The following SYNE1 variants were observed in gnomAD, a reference collection of about 807,000 sequenced individuals.
SYNE1 encodes spectrin repeat containing nuclear envelope protein 1.
A neutral mutation model predicts 1,111.0 loss-of-function variants in SYNE1; 616 were observed. The observed-to-expected ratio is 0.55, with a 90% confidence interval of 0.52 to 0.59. The LOEUF is 0.59. Among genes scored for constraint, SYNE1 ranks in the 20% least tolerant of loss-of-function variants. The probability of loss-of-function intolerance (pLI) is 0.00; values close to 1 mark genes in which losing one functional copy is unlikely to be tolerated. For synonymous variants in SYNE1, 3,855 were observed against 3,825.8 expected (o/e 1.01, Z -0.28); for missense variants, 10,006 against 10,417.0 (o/e 0.96, Z 1.72).
rs2071431030 is a variant in SYNE1, at chr6:152,189,113, G to C, written c.23301+139C>G. ...AAATGTATTGATCTGAAATGTTCTG[G>C]TAGTAACCACAGTGTTCTTCCTTTG... On this transcript the variant is annotated intron_variant, in intron 128 of 145. Transcript: ENST00000367255. 3 of 817,210 alleles carry C rather than the reference G, an allele frequency of 3.7e-6. No individual in the cohort carries two copies. The African/African-American group carries it at 5.1e-5, about 14-fold the overall frequency. 50.6% of individuals were successfully genotyped at this position (817,210 alleles called of 1,614,324 possible). A position where few individuals can be genotyped will look rare whatever the true frequency, so the allele number is the denominator to read the frequency against.
At chr6:152,195,510 CA>C (rs58249163) in intron 127 of SYNE1, among the ~76,000 whole-genome samples, 13,952 of 152,204 alleles carry the variant, frequency 0.092, 795 homozygotes, top group East Asian at 0.12. Flanking sequence ...AAATCTGCAT[CA>C]TGGGGCACCC....
intron 55 of SYNE1, among the ~76,000 whole-genome samples, chr6:152,384,616 C>T (rs1463457253): frequency 6.6e-6 from 1 of 152,184 alleles, no homozygotes; most frequent in Non-Finnish European, 1.5e-5. Context: ...TGGCTCATGC[C>T]TGTAATTCCA....
intron 100 of SYNE1, among the ~76,000 whole-genome samples, chr6:152,264,855 A>G (rs999954076): frequency 6.6e-6 from 1 of 152,034 alleles, no homozygotes. Flanking sequence ...CTAGGATATA[A>G]TGCAGAGAAT....
chr6:152,269,674 T>C (rs1456275655), intron 98 of SYNE1, among the ~76,000 whole-genome samples: 1 of 152,166 alleles, frequency 6.6e-6, no homozygotes, highest in Non-Finnish European at 1.5e-5. Context: ...TTACCCACAA[T>C]AATTGTGTCT....
Position 152,249,241 on chromosome 6 carries a change from T to C in SYNE1, c.19492A>G (p.Thr6498Ala), listed in dbSNP as rs2088379630. 2 of 1,612,902 alleles carry C rather than the reference T, an allele frequency of 1.2e-6. No homozygotes were observed. Among genetic ancestry groups the C allele is most frequent in the Non-Finnish European group, 1.7e-6 (2 of 1,179,010 alleles). Residue 6498 changes from threonine to alanine, a missense_variant, in exon 105 of 146, where the codon ACA (threonine) becomes GCA (alanine). Thr to Ala is a moderately conservative substitution (Grantham distance 58). Coordinates refer to ENST00000367255, the MANE Select transcript of SYNE1 (RefSeq NM_182961.4). ...NFQNDLKVLF[T>A]SLADNKYIIL... ...ATGTATTTGTTGTCAGCCAGTGATG[T>C]AAACAGCACTTTCAGATCATTCTAA...
At chr6:152,452,993 C>G (rs1035033159) in intron 25 of SYNE1, among the ~76,000 whole-genome samples, 3 of 152,158 alleles carry the variant, frequency 2.0e-5, no homozygotes, top group African/African-American at 7.2e-5. Context: ...CAAGTGGTTC[C>G]ACCTCCCTCT....
chr6:152,149,133 T>G (rs2060003218), intron 136 of SYNE1, among the ~76,000 whole-genome samples: 2 of 152,208 alleles, frequency 1.3e-5, no homozygotes. Context: ...TGCTGCCCCA[T>G]GTTTCTGCGA....
chr6:152,356,996 A>C (rs900165699), intron 66 of SYNE1, among the ~76,000 whole-genome samples: 1 of 152,208 alleles, frequency 6.6e-6, no homozygotes, highest in African/African-American at 2.4e-5. Flanking sequence ...GGTTATGTAA[A>C]GAAAATAGTC....
chr6:152,293,057 C>T (rs1194267841), intron 95 of SYNE1, among the ~76,000 whole-genome samples: 1 of 152,114 alleles, frequency 6.6e-6, no homozygotes, highest in Non-Finnish European at 1.5e-5. Flanking sequence ...TCATGTAAAG[C>T]TAATATTTTG....
At chr6:152,239,749 T>C in intron 107 of SYNE1, 43 bp from the exon 108 acceptor site, 1 of 1,611,680 alleles carries the variant, frequency 6.2e-7, no homozygotes, top group Non-Finnish European at 8.5e-7. Context: ...CTCATTCATA[T>C]ATTATGTTAG....
chr6:152,352,255 C>A lies in SYNE1; in HGVS notation c.11352G>T (p.Glu3784Asp). Residue 3784 changes from glutamate to aspartate, a missense_variant, in exon 70 of 146, where the codon GAG (glutamate) becomes GAT (aspartate). Glu to Asp is a conservative substitution (Grantham distance 45). Coordinates refer to ENST00000367255, the MANE Select transcript of SYNE1 (RefSeq NM_182961.4). ...AVKYLEEGEAERLRKEIHDHM... is the reference protein window; with the variant it reads ...AVKYLEEGEADRLRKEIHDHM... ...GATCATGAATCTCCTTTCTTAACCT[C>A]TCTGCCTCGCCTTCCTCCAAGTATT... 7 of 1,614,178 alleles carry A rather than the reference C, an allele frequency of 4.3e-6. No homozygotes were observed. Among genetic ancestry groups the A allele is most frequent in the Non-Finnish European group, 5.9e-6 (7 of 1,180,014 alleles).
rs1265670212 is a variant in SYNE1 at position 152,330,673 on chromosome 6, A to G, written c.14012T>C (p.Leu4671Pro). The G allele has an allele frequency of 2.5e-6, 4 of 1,613,888 alleles. No individual in the cohort carries two copies. Among genetic ancestry groups the G allele is most frequent in the Non-Finnish European group, 3.4e-6 (4 of 1,180,052 alleles). Reference sequence around the variant, plus strand: ...CAAGGAAGCATATTCCTTCCGAGCAAGAATTGCTTCCTGGACTTTATAGAA... The same window carrying G: ...CAAGGAAGCATATTCCTTCCGAGCAGGAATTGCTTCCTGGACTTTATAGAA... Reference protein sequence around the residue: ...DKFYKVQEAILARKEYASLIE... With the variant: ...DKFYKVQEAIPARKEYASLIE... The change falls in exon 78 of 146, where the codon CTT (leucine) becomes CCT (proline). Residue 4671 changes from leucine to proline, a missense_variant. Around this residue, in one of 7 missense-constraint regions of SYNE1, gnomAD observed 4,955 missense variants for 5,017.2 expected, o/e 0.99. Coordinates refer to ENST00000367255, the MANE Select transcript of SYNE1 (RefSeq NM_182961.4).
chr6:152,125,475 T>C, intron 145 of SYNE1: 1 of 1,283,514 alleles, frequency 7.8e-7, no homozygotes, highest in Admixed American at 2.8e-5. Flanking sequence ...GGCCTTCAGT[T>C]TTCTCATTTG....
At chr6:152,257,161 C>A (rs2091039240) in intron 101 of SYNE1, among the ~76,000 whole-genome samples, 1 of 152,190 alleles carries the variant, frequency 6.6e-6, no homozygotes, top group South Asian at 2.1e-4. Context: ...ATTACCCTGA[C>A]TTGAACATTA....
chr6:152,328,268 G>A (rs2096135632), intron 78 of SYNE1, among the ~76,000 whole-genome samples: 1 of 152,120 alleles, frequency 6.6e-6, no homozygotes. Context: ...TTTACCTAAA[G>A]GGTTGGTTGA....
chr6:152,344,376 G>A, intron 73 of SYNE1, 149 bp from the exon 74 acceptor site: 1 of 1,258,740 alleles, frequency 7.9e-7, no homozygotes, highest in Non-Finnish European at 1.1e-6. Flanking sequence ...GCAGTTGTAT[G>A]TCTCCCCAGA....
chr6:152,286,487 C>T (rs1051348973), intron 95 of SYNE1, among the ~76,000 whole-genome samples: 1 of 152,156 alleles, frequency 6.6e-6, no homozygotes, highest in African/African-American at 2.4e-5. Context: ...TACCATATTC[C>T]ACTGTCGCCT....
intron 32 of SYNE1, 44 bp from the exon 33 acceptor site, chr6:152,436,145 TTA>T: frequency 1.9e-6 from 3 of 1,602,652 alleles, no homozygotes; most frequent in Non-Finnish European, 2.6e-6. Flanking sequence ...TTTATATTAT[TTA>T]TCTCTGCCCT....
intron 3 of SYNE1, among the ~76,000 whole-genome samples, chr6:152,607,055 T>C (rs1406110047): frequency 4.2e-5 from 5 of 118,836 alleles, no homozygotes; most frequent in African/African-American, 1.6e-4. Flanking sequence ...TGCAATCTCG[T>C]CTCACTGCAA....
Sources: allele counts gnomAD v4.1 joint callset (sites outside exome capture counted in the v4.1 genomes callset), GRCh38; gene constraint gnomAD v4.1.1; regional missense constraint gnomAD v4.1.1; transcripts MANE v1.5; gene names NCBI Gene and HGNC (gene_info 2026-07-23, HGNC 2026-07-21).